HDAC9: variants seen among roughly 807,000 people sequenced by gnomAD.
HDAC9 encodes histone deacetylase 9, also known as MEF-2 interacting transcription repressor (MITR) protein.
HDAC9 carries 41 observed loss-of-function variants against 139.4 expected under a neutral mutation model. The observed-to-expected ratio is 0.29, with a 90% CI of 0.23 to 0.38. The LOEUF (loss-of-function observed/expected upper bound fraction) is 0.38. Among genes scored for constraint, HDAC9 ranks in the 10% least tolerant of loss-of-function variants. The pLI, the probability that HDAC9 is intolerant of heterozygous loss-of-function variation, is 1.00. For missense variants in HDAC9, 1,147 were observed against 1,297.0 expected, an observed-to-expected ratio of 0.88 and a Z score of 1.78; for synonymous variants, 517 against 476.2, an observed-to-expected ratio of 1.09 and a Z score of -1.12.
chr7:18,145,550 G>T lies in HDAC9; in HGVS notation c.-96-16679G>T, dbSNP rs566836683. On this transcript the variant is annotated intron_variant, in intron 1 of 12. Transcript: ENST00000417496. Reference sequence around the variant, plus strand: ...ATTTGAATGAATAGAGGATATTTAAGATTGGAAAGAAACATGATAGCATTC... The same window carrying T: ...ATTTGAATGAATAGAGGATATTTAATATTGGAAAGAAACATGATAGCATTC... 1.2e-3 allele frequency among the ~76,000 whole-genome samples: 176 copies of T among 152,250 alleles called. 1 individual carries two copies. The highest frequency in any genetic ancestry group is 4.1e-3 in the African/African-American group (172 of 41,548).
At chr7:18,672,804 C>T (rs1795743556) in intron 12 of HDAC9, among the ~76,000 whole-genome samples, 2 of 151,934 alleles carry the variant, frequency 1.3e-5, no homozygotes. Flanking sequence ...TATTGGACTT[C>T]ATTTTCTCAT....
At chr7:18,424,715 C>A (rs927267382) in intron 1 of HDAC9, among the ~76,000 whole-genome samples, 7 of 152,096 alleles carry the variant, frequency 4.6e-5, no homozygotes, top group African/African-American at 1.7e-4. Flanking sequence ...TTGAGGCCAG[C>A]CAGGCCAACC....
At chr7:18,341,319 T>C (rs1019965248) in intron 1 of HDAC9, among the ~76,000 whole-genome samples, 1 of 151,746 alleles carries the variant, frequency 6.6e-6, no homozygotes, top group African/African-American at 2.4e-5. Context: ...TTTGAAAATT[T>C]TTTTGCCAGT....
intron 1 of HDAC9, among the ~76,000 whole-genome samples, chr7:18,484,745 C>T (rs1795841993): frequency 6.6e-6 from 1 of 151,850 alleles, no homozygotes; most frequent in South Asian, 2.1e-4. Context: ...GTCTCAGCTA[C>T]TCTGAAATCA....
rs909000132 is a variant in HDAC9 at position 18,633,755 on chromosome 7, T to C, written c.797-872T>C. Among the ~76,000 whole-genome samples the C allele has an allele frequency of 1.8e-4, 27 of 152,178 alleles. 1 individual carries two copies. Among genetic ancestry groups the C allele is most frequent in the African/African-American group, 4.8e-4 (20 of 41,560 alleles). ...TGGTAGGGAATTAATTAGAGCTGAA[T>C]AAATAATTTGCCAAAGCTTGATAAG... On this transcript the variant is annotated intron_variant, in intron 7 of 25. Coordinates refer to ENST00000686413, the MANE Select transcript of HDAC9 (RefSeq NM_178425.4).
intron 1 of HDAC9, among the ~76,000 whole-genome samples, chr7:18,124,136 T>A (rs1458647897): frequency 6.6e-6 from 1 of 152,134 alleles, no homozygotes; most frequent in Non-Finnish European, 1.5e-5. Flanking sequence ...TAAGTTCTAG[T>A]TGAAGTATAG....
intron 25 of HDAC9, among the ~76,000 whole-genome samples, chr7:18,991,434 A>C (rs4721736): frequency 1.3e-5 from 2 of 152,076 alleles, no homozygotes; most frequent in Non-Finnish European, 2.9e-5. Context: ...AGGTCAGATC[A>C]AGACCATCCT....
rs1783419043 is a variant in HDAC9, at chr7:18,357,562, A to T, written c.-42+67047A>T. 2.0e-5 allele frequency among the ~76,000 whole-genome samples: 3 copies of T among 152,210 alleles called. No homozygotes were observed. The South Asian group carries it at 6.2e-4, about 32-fold the overall frequency. On this transcript the variant is annotated intron_variant, in intron 1 of 3. Coordinates refer to the HDAC9 transcript ENST00000413509. ...CAGACAAAACAGTATATAAACAAAA[A>T]ATAACAATACATAATTACAGATTGA...
At chr7:18,100,544 A>G (rs1264319110) in intron 1 of HDAC9, among the ~76,000 whole-genome samples, 1 of 152,090 alleles carries the variant, frequency 6.6e-6, no homozygotes, top group Non-Finnish European at 1.5e-5. Context: ...TTCATTACCA[A>G]GTAGTCATAT....
At chr7:18,102,270 G>A (rs1049429362) in intron 1 of HDAC9, among the ~76,000 whole-genome samples, 4 of 152,126 alleles carry the variant, frequency 2.6e-5, no homozygotes, top group Admixed American at 1.3e-4. Flanking sequence ...TCCATATGTC[G>A]TAGGAATATG....
chr7:18,328,978 C>T (rs1252889655), intron 1 of HDAC9, among the ~76,000 whole-genome samples: 2 of 151,770 alleles, frequency 1.3e-5, no homozygotes, highest in Non-Finnish European at 2.9e-5. Flanking sequence ...CTGAATCAGT[C>T]TCCTTACTCA....
intron 6 of HDAC9, among the ~76,000 whole-genome samples, chr7:18,595,838 A>G (rs979161607): frequency 6.6e-6 from 1 of 152,096 alleles, no homozygotes; most frequent in Non-Finnish European, 1.5e-5. Context: ...GAGAAGTACT[A>G]AAAACCCATA....
chr7:18,225,605 G>A (rs1048794489), intron 2 of HDAC9, among the ~76,000 whole-genome samples: 1 of 152,078 alleles, frequency 6.6e-6, no homozygotes, highest in South Asian at 2.1e-4. Context: ...CATATACATG[G>A]AATCTTAAAT....
At chr7:18,795,435 A>T (rs75405414) in intron 17 of HDAC9, among the ~76,000 whole-genome samples, 1,843 of 152,166 alleles carry the variant, frequency 0.012, 46 homozygotes, top group African/African-American at 0.043. Context: ...AAGGTCATCC[A>T]TGGCACTGGC....
chr7:18,789,634 G>A (rs1034723984), intron 16 of HDAC9, among the ~76,000 whole-genome samples: 1 of 151,884 alleles, frequency 6.6e-6, no homozygotes, highest in Non-Finnish European at 1.5e-5. Context: ...CAAATGTGAG[G>A]GTGCCTGTCT....
intron 13 of HDAC9, among the ~76,000 whole-genome samples, chr7:18,740,701 G>C (rs189251074): frequency 6.6e-6 from 1 of 152,320 alleles, no homozygotes; most frequent in East Asian, 1.9e-4. Context: ...TCAAAAGCTA[G>C]AAATGATTAA....
At chr7:18,841,841 G>A (rs1476806624) in intron 21 of HDAC9, among the ~76,000 whole-genome samples, 1 of 152,032 alleles carries the variant, frequency 6.6e-6, no homozygotes, top group Non-Finnish European at 1.5e-5. Context: ...TAGTAAGAGA[G>A]CCTATCAAAT....
intron 17 of HDAC9, among the ~76,000 whole-genome samples, chr7:18,817,205 T>G (rs566409170): frequency 6.6e-6 from 1 of 152,224 alleles, no homozygotes; most frequent in African/African-American, 2.4e-5. Context: ...TGCCTGATTT[T>G]TTGTATTTTT....
chr7:18,186,434 C>G (rs1211343264), intron 2 of HDAC9, among the ~76,000 whole-genome samples: 1 of 152,230 alleles, frequency 6.6e-6, no homozygotes, highest in Non-Finnish European at 1.5e-5. Flanking sequence ...TAGGATGGTG[C>G]TTTCTGGTGC....
Sources: allele counts gnomAD v4.1 joint callset (sites outside exome capture counted in the v4.1 genomes callset), GRCh38; gene constraint gnomAD v4.1.1; transcripts MANE v1.5; gene names NCBI Gene and HGNC (gene_info 2026-07-23, HGNC 2026-07-21).